TRIM66: variants seen among roughly 807,000 people sequenced by gnomAD.
TRIM66 encodes the protein tripartite motif-containing protein 66.
TRIM66 carries 99 observed loss-of-function variants against 148.2 expected under a neutral mutation model. The ratio of observed to expected loss-of-function variants is 0.67; its 90% CI spans 0.57 to 0.79. The LOEUF is 0.79. Ranked by LOEUF, TRIM66 falls within the 30% of genes least tolerant of loss-of-function variation. The pLI, the probability that TRIM66 is intolerant of heterozygous loss-of-function variation, is 0.00. For synonymous variants in TRIM66, 616 were observed against 635.9 expected (o/e 0.97, Z 0.47); for missense variants, 1,666 against 1,697.9 (o/e 0.98, Z 0.33).
chr11:8,653,086 T>A (rs968297040), intron 6 of TRIM66, among the ~76,000 whole-genome samples: 1 of 152,230 alleles, frequency 6.6e-6, no homozygotes, highest in African/African-American at 2.4e-5. Context: ...TCATATCCTA[T>A]TCACAGTAAT....
rs537386301 is a variant in TRIM66 at position 8,633,169 on chromosome 11, A to T, written c.2310+5485T>A. On this transcript the variant is annotated intron_variant, in intron 15 of 24. Coordinates refer to ENST00000646038, the MANE Select transcript of TRIM66 (RefSeq NM_001388022.1). Reference sequence around the variant, plus strand: ...GACTTAAAAACGTTATTTTGAATACAAAATTAGCCAGGCATGGTGGAACAT... The same window carrying T: ...GACTTAAAAACGTTATTTTGAATACTAAATTAGCCAGGCATGGTGGAACAT... Among the ~76,000 whole-genome samples, 3 of 152,330 alleles carry T rather than the reference A, an allele frequency of 2.0e-5. No individual in the cohort carries two copies. In the South Asian group the frequency reaches 6.2e-4, roughly 32 times the overall value.
chr11:8,618,317 C>G (rs2033866103), intron 24 of TRIM66, among the ~76,000 whole-genome samples: 1 of 152,192 alleles, frequency 6.6e-6, no homozygotes. Flanking sequence ...CTGCTGCAAG[C>G]AATACCTCTC....
At chr11:8,669,524 T>TCC (rs375346806) in intron 6 of TRIM66, among the ~76,000 whole-genome samples, 2 of 151,810 alleles carry the variant, frequency 1.3e-5, no homozygotes, top group African/African-American at 4.8e-5. Context: ...CATGCTGTAG[T>TCC]CCCAGGTATT....
At chr11:8,651,536 T>C (rs1323713307) in intron 7 of TRIM66, among the ~76,000 whole-genome samples, 1 of 152,182 alleles carries the variant, frequency 6.6e-6, no homozygotes, top group African/African-American at 2.4e-5. Context: ...CAACTCTTAA[T>C]ATATCTTAAC....
At chr11:8,622,649 C>T (rs532045910) in intron 18 of TRIM66, among the ~76,000 whole-genome samples, 167 bp downstream of exon 18, 1 of 152,086 alleles carries the variant, frequency 6.6e-6, no homozygotes, top group Admixed American at 6.5e-5. Context: ...AGGACATCCT[C>T]CCACAACCAT....
At chr11:8,622,365 C>CACACACACACACACACACAT in intron 18 of TRIM66, among the ~76,000 whole-genome samples, 2 of 59,598 alleles carry the variant, frequency 3.4e-5, no homozygotes, top group Non-Finnish European at 7.8e-5. Flanking sequence ...CACACACACA[C>CACACACACACACACACACAT]ATATATATAT....
intron 6 of TRIM66, among the ~76,000 whole-genome samples, chr11:8,662,736 T>C (rs2038345416): frequency 6.6e-6 from 1 of 152,236 alleles, no homozygotes; most frequent in Non-Finnish European, 1.5e-5. Context: ...TGTCTTTTAA[T>C]TGATTTGAAG....
At position 8,645,723 on chromosome 11, in the gene TRIM66, T is replaced by C; in HGVS notation, c.1104+18A>G. ...TAAGCTTCAAGGACAGGCTGAGGAG[T>C]TGGGAGATTCCTCTTACCAGCTCTT... On this transcript the variant is annotated intron_variant, in intron 12 of 24. Transcript: ENST00000646038. 1.9e-6 allele frequency: 3 copies of C among 1,551,246 alleles called. No homozygotes were observed. The highest frequency in any genetic ancestry group is 2.6e-6 in the Non-Finnish European group (3 of 1,146,750).
chr11:8,617,091 A>T lies in TRIM66; in HGVS notation c.*853T>A, dbSNP rs1289697463. 6.6e-6 allele frequency: 1 copy of T among 152,292 alleles called. No individual in the cohort carries two copies. Among genetic ancestry groups the T allele is most frequent in the African/African-American group, 2.4e-5 (1 of 41,458 alleles). The allele number at this position is 152,292 out of a possible 1,614,324, so 9.4% of individuals were successfully genotyped here. A position where few individuals can be genotyped will look rare whatever the true frequency, so the allele number is the denominator to read the frequency against. On this transcript the variant is annotated 3_prime_UTR_variant, in exon 25 of 25. Coordinates refer to ENST00000646038, the MANE Select transcript of TRIM66 (RefSeq NM_001388022.1). ...AATGAGGATGATGAAGGGTATGGCC[A>T]CTGACAAGCACCAACAGTCACTTCT...
At chr11:8,622,935 T>G in intron 17 of TRIM66, 59 bp from the exon 18 acceptor site, 1 of 1,419,862 alleles carries the variant, frequency 7.0e-7, no homozygotes, top group Non-Finnish European at 9.7e-7. Flanking sequence ...AACCCCGTCA[T>G]GCATATCTTC....
rs1320635093 is a variant in TRIM66 at position 8,621,151 on chromosome 11, T to G, written c.3426A>C (p.Pro1142=). Residue 1142 remains proline (P), a synonymous_variant, in exon 20 of 25, where the codon CCA becomes CCC. Coordinates refer to ENST00000646038, the MANE Select transcript of TRIM66 (RefSeq NM_001388022.1). The part of the protein sequence containing the change: ...TPGAKKGPPA[P]IENEDFCAVC... ...CAGCACAGAAGTCCTCATTCTCTAT[T>G]GGGGCTGGGGGGCCCTTCTTGGCTC... 6.4e-7 allele frequency: 1 copy of G among 1,551,670 alleles called. No homozygotes were observed. Among genetic ancestry groups the G allele is most frequent in the Non-Finnish European group, 8.7e-7 (1 of 1,146,964 alleles).
At chr11:8,649,534 C>G (rs2037166103) in intron 8 of TRIM66, among the ~76,000 whole-genome samples, 1 of 152,188 alleles carries the variant, frequency 6.6e-6, no homozygotes, top group South Asian at 2.1e-4. Flanking sequence ...TTCATCCACA[C>G]TCATCCACCC....
chr11:8,646,564 G>A lies in TRIM66; in HGVS notation c.843-3C>T, dbSNP rs1208645499. The stretch of plus-strand genomic sequence containing the variant: ...GCTGATGCTTCACTTCAAAAATCCT[G>A]TAAACACAATGGGACAAACCATGGT... On this transcript the variant is annotated splice_polypyrimidine_tract_variant and splice_region_variant and intron_variant, in intron 10 of 24. Transcript: ENST00000646038. The A allele has an allele frequency of 2.6e-6, 4 of 1,549,450 alleles. No individual in the cohort carries two copies. Among genetic ancestry groups the A allele is most frequent in the Non-Finnish European group, 2.6e-6 (3 of 1,144,878 alleles).
chr11:8,645,593 T>G, intron 12 of TRIM66, 148 bp downstream of exon 12: 2 of 944,486 alleles, frequency 2.1e-6, no homozygotes, highest in Admixed American at 2.8e-5. Flanking sequence ...GTGATTGAAT[T>G]TGAAGGATGG....
intron 15 of TRIM66, among the ~76,000 whole-genome samples, chr11:8,631,045 T>C (rs11042019): frequency 0.21 from 31,329 of 152,058 alleles, 3,392 homozygotes; most frequent in East Asian, 0.36. Flanking sequence ...GATTGCCACA[T>C]GGTATTGTCA....
At position 8,642,116 on chromosome 11, in the gene TRIM66, G is replaced by A. The variant is rs545097629; in HGVS notation, c.1222+893C>T. Among the ~76,000 whole-genome samples the A allele has an allele frequency of 2.6e-5, 4 of 152,304 alleles. No homozygotes were observed. The South Asian group carries it at 6.2e-4, about 24-fold the overall frequency. On this transcript the variant is annotated intron_variant, in intron 13 of 24. Coordinates refer to ENST00000646038, the MANE Select transcript of TRIM66 (RefSeq NM_001388022.1). ...CCCCTGAGGCCTCTAGGTCCCTTGT[G>A]CACAAGTAGATCTATGGCTAACTCA...
chr11:8,683,158 G>A (rs771806530), upstream of TRIM66: 2 of 1,589,360 alleles, frequency 1.3e-6, no homozygotes. Context: ...ATCGCCCCCT[G>A]CCCCTAATTC....
At chr11:8,643,337 CTTT>C (rs376014687) in intron 12 of TRIM66, among the ~76,000 whole-genome samples, 3 of 140,492 alleles carry the variant, frequency 2.1e-5, no homozygotes, top group Admixed American at 7.2e-5. Context: ...AACCTACATT[CTTT>C]TTTTTTTTTT....
At chr11:8,682,829 T>C (rs780937350), upstream of TRIM66, 1 of 1,611,376 alleles carries the variant, frequency 6.2e-7, no homozygotes, top group Non-Finnish European at 8.5e-7. Flanking sequence ...AGGTGTTTCG[T>C]TTCTTGCCTC....
Sources: gnomAD v4.1 joint callset for allele counts (sites outside exome capture counted in the v4.1 genomes callset) on GRCh38, gnomAD v4.1.1 for gene constraint, MANE v1.5 for transcripts, NCBI Gene and HGNC (gene_info 2026-07-23, HGNC 2026-07-21) for gene names.